DNAH17: variants seen among roughly 807,000 people sequenced by gnomAD.
The protein encoded by DNAH17 is axonemal beta dynein heavy chain 17.
In DNAH17, 376 loss-of-function variants were observed where a neutral mutation model predicts 485.6. The ratio of observed to expected loss-of-function variants is 0.77; its 90% CI spans 0.71 to 0.84. The LOEUF (loss-of-function observed/expected upper bound fraction) is 0.84. Ranked by LOEUF, DNAH17 falls within the 40% of genes least tolerant of loss-of-function variation. The probability of loss-of-function intolerance (pLI) is 0.00; values close to 1 mark genes in which losing one functional copy is unlikely to be tolerated. For synonymous variants in DNAH17, 3,031 were observed against 2,405.9 expected (o/e 1.26, Z -7.60); for missense variants, 6,370 against 5,839.3 (o/e 1.09, Z -2.96).
intron 65 of DNAH17, among the ~76,000 whole-genome samples, chr17:78,452,451 G>C (rs1189882801): frequency 6.6e-6 from 1 of 152,122 alleles, no homozygotes; most frequent in Non-Finnish European, 1.5e-5. Flanking sequence ...AACATGCTAA[G>C]TAAAGGCCGG....
chr17:78,486,179 G>C, intron 45 of DNAH17, 45 bp downstream of exon 45: 1 of 1,596,882 alleles, frequency 6.3e-7, no homozygotes, highest in Non-Finnish European at 8.5e-7. Flanking sequence ...TAAGCAGGAT[G>C]CTGAGAGACC....
chr17:78,445,580 T>C lies in DNAH17; in HGVS notation c.11312A>G (p.His3771Arg). Residue 3771 changes from histidine to arginine, a missense_variant, in exon 70 of 81, where the codon CAT (histidine) becomes CGT (arginine). His to Arg is a conservative substitution (Grantham distance 29). Coordinates refer to ENST00000389840, the MANE Select transcript of DNAH17 (RefSeq NM_173628.4). ...GVVSPVDFLQ[H>R]QGWGGIKALS... is the part of the protein sequence containing the mutation. ...AACCTTGATCCCGCCCCAGCCTTGA[T>C]GCTGGAGGAAGTCCACTGGTGAGAC... 6.4e-7 allele frequency: 1 copy of C among 1,562,894 alleles called. No individual in the cohort carries two copies. The highest frequency in any genetic ancestry group is 8.7e-7 in the Non-Finnish European group (1 of 1,153,132).
chr17:78,467,563 G>T (rs1265121624), intron 55 of DNAH17, among the ~76,000 whole-genome samples: 1 of 152,144 alleles, frequency 6.6e-6, no homozygotes, highest in Non-Finnish European at 1.5e-5. Flanking sequence ...AGGGGAGGGA[G>T]GACCCTGCTC....
chr17:78,555,670 T>C (rs551557851), intron 14 of DNAH17, among the ~76,000 whole-genome samples: 12 of 151,916 alleles, frequency 7.9e-5, no homozygotes, highest in African/African-American at 2.9e-4. Context: ...GGTTAATTTG[T>C]CAACAGGACT....
chr17:78,536,550 G>A (rs923315292), intron 19 of DNAH17, among the ~76,000 whole-genome samples: 5 of 151,964 alleles, frequency 3.3e-5, no homozygotes, highest in African/African-American at 1.2e-4. Flanking sequence ...GCTTGGTGAT[G>A]CATGCTCGTA....
At chr17:78,564,730 C>T (rs1039084000) in intron 11 of DNAH17, among the ~76,000 whole-genome samples, 1 of 152,168 alleles carries the variant, frequency 6.6e-6, no homozygotes, top group African/African-American at 2.4e-5. Flanking sequence ...CTGTGCTAGG[C>T]TCAGTTCTAA....
intron 79 of DNAH17, among the ~76,000 whole-genome samples, 185 bp from the exon 80 acceptor site, chr17:78,425,756 CTTTT>C (rs71160294): frequency 2.6e-4 from 32 of 120,758 alleles, no homozygotes; most frequent in Non-Finnish European, 3.8e-4. Context: ...TTGGTGTCTG[CTTTT>C]TTTTTTTTTT....
At chr17:78,472,781 C>A (rs2088825478) in intron 54 of DNAH17, 5 of 454,236 alleles carry the variant, frequency 1.1e-5, no homozygotes, top group African/African-American at 1.0e-4. Flanking sequence ...TCTCGTCGCA[C>A]CTGCCCACTT....
chr17:78,514,879 G>A lies in DNAH17; in HGVS notation c.4008C>T (p.Leu1336=), dbSNP rs566823865. The A allele has an allele frequency of 1.5e-5, 24 of 1,614,032 alleles. No homozygotes were observed. The highest frequency in any genetic ancestry group is 6.6e-5 in the South Asian group (6 of 91,088). ...EMKTWDAFVG[L]DNTVKNVITS... ...TGATCACGTTTTTCACGGTGTTGTC[G>A]AGCCCCACGAAGGCATCCCAGGTTT... Residue 1336 remains leucine (L), a synonymous_variant, in exon 26 of 81, where the codon CTC becomes CTT. Coordinates refer to ENST00000389840, the MANE Select transcript of DNAH17 (RefSeq NM_173628.4).
intron 69 of DNAH17, among the ~76,000 whole-genome samples, chr17:78,447,024 G>A (rs181127736): frequency 6.4e-4 from 98 of 152,028 alleles, no homozygotes; most frequent in Non-Finnish European, 1.2e-3. Context: ...CTGCAGCCTT[G>A]AACTCTTGGG....
chr17:78,525,239 G>A (rs1475509054), intron 24 of DNAH17, 78 bp from the exon 25 acceptor site: 36 of 1,541,778 alleles, frequency 2.3e-5, no homozygotes, highest in Middle Eastern at 4.2e-4. Context: ...CGTTCTGCCC[G>A]TCTCTCCAGT....
rs778303888 is a variant in DNAH17 at position 78,551,637 on chromosome 17, AC to A, written c.2288del (p.Gly763ValfsTer27). The A allele has an allele frequency of 5.6e-6, 9 of 1,613,646 alleles. No individual in the cohort carries two copies. Among genetic ancestry groups the A allele is most frequent in the Non-Finnish European group, 7.6e-6 (9 of 1,179,752 alleles). On this transcript the variant is annotated frameshift_variant and splice_region_variant, in exon 16 of 81. Transcript: ENST00000389840. LOFTEE classifies it high-confidence loss of function. ...GCACCTCTTGAATGTACTGAAACAC[AC>A]CTAAAATGGAAATGTAGAGGAATCT... ...AETTLFWNGE[G>X]VFQYIQEVRE... is the part of the protein sequence containing the mutation.
rs66859821 is a variant in DNAH17, at chr17:78,506,140, A to ATTTTT, written c.4803+575_4803+579dup. Among the ~76,000 whole-genome samples the ATTTTT allele has an allele frequency of 1.2e-4, 15 of 128,282 alleles. 1 individual carries two copies. The highest frequency in any genetic ancestry group is 2.6e-4 in the South Asian group (1 of 3,900). 84.2% of individuals were successfully genotyped at this position (128,282 alleles called of 152,430 possible). On this transcript the variant is annotated intron_variant, in intron 30 of 80. Transcript: ENST00000389840. ...CAAGCGCTTTCCCTTCACCTAGTTA[A>ATTTTT]TTTTTTTTTTTTTTTTTTGAGACAG...
At chr17:78,539,577 G>A (rs934011423) in intron 18 of DNAH17, among the ~76,000 whole-genome samples, 160 bp downstream of exon 18, 7 of 152,184 alleles carry the variant, frequency 4.6e-5, no homozygotes, top group African/African-American at 1.7e-4. Flanking sequence ...TGGAATGCAG[G>A]ACTTCCAGGT....
In DNAH17 at chr17:78,466,758, G is replaced by T; in HGVS notation, c.8837C>A (p.Pro2946Gln). 1.2e-6 allele frequency: 2 copies of T among 1,611,658 alleles called. No individual in the cohort carries two copies. Among genetic ancestry groups the T allele is most frequent in the Non-Finnish European group, 1.7e-6 (2 of 1,179,028 alleles). ...SVLRVRARKF[P>Q]AVVNCTAIDW... is the part of the protein sequence containing the mutation. The stretch of plus-strand genomic sequence containing the variant: ...GATGGCCGTGCAGTTGACCACAGCT[G>T]GGAACTTTCTGGCTCGTACCCGCAG... Residue 2946 changes from proline to glutamine, a missense_variant, in exon 56 of 81, where the codon CCA (proline) becomes CAA (glutamine). Transcript: ENST00000389840.
chr17:78,441,620 CTCTT>C (rs1333807775), intron 71 of DNAH17, among the ~76,000 whole-genome samples: 2 of 152,196 alleles, frequency 1.3e-5, no homozygotes, highest in African/African-American at 4.8e-5. Context: ...AAGCCCCCAA[CTCTT>C]TCTAACATGA....
In DNAH17 at chr17:78,537,462, A is replaced by G. The variant is rs367852893; in HGVS notation, c.2696T>C (p.Phe899Ser). ...MVIDESIAPL[F>S]EIRMELDEDG... ...CTCGTCCAGCTCCATGCGGATCTCA[A>G]ACAGGGGAGCGATACTCTCCTGAAA... Residue 899 changes from phenylalanine (F) to serine (S), a missense_variant, in exon 19 of 81, where the codon TTT becomes TCT. Phe to Ser is a radical substitution (Grantham distance 155). Coordinates refer to ENST00000389840, the MANE Select transcript of DNAH17 (RefSeq NM_173628.4). 2.3e-4 allele frequency: 372 copies of G among 1,613,210 alleles called. No homozygotes were observed. Among genetic ancestry groups the G allele is most frequent in the Non-Finnish European group, 2.6e-4 (305 of 1,179,830 alleles).
chr17:78,505,600 A>C (rs1316073067), intron 30 of DNAH17, among the ~76,000 whole-genome samples, 155 bp from the exon 31 acceptor site: 1 of 152,234 alleles, frequency 6.6e-6, no homozygotes, highest in African/African-American at 2.4e-5. Context: ...AGTCAACAAA[A>C]GGAACCAGCG....
chr17:78,576,242 G>C (rs974127163), intron 1 of DNAH17, among the ~76,000 whole-genome samples: 1 of 152,194 alleles, frequency 6.6e-6, no homozygotes, highest in Non-Finnish European at 1.5e-5. Flanking sequence ...TAATACCACG[G>C]AACAGGTTTA....
Sources: allele counts gnomAD v4.1 joint callset (sites outside exome capture counted in the v4.1 genomes callset), GRCh38; gene constraint gnomAD v4.1.1; transcripts MANE v1.5; gene names NCBI Gene and HGNC (gene_info 2026-07-23, HGNC 2026-07-21).